BCR: variants seen among roughly 807,000 people sequenced by gnomAD.
BCR encodes BCR activator of RhoGEF and GTPase.
BCR carries 58 observed loss-of-function variants against 138.6 expected under a neutral mutation model. The observed-to-expected ratio is 0.42, with a 90% confidence interval of 0.34 to 0.52. The LOEUF (loss-of-function observed/expected upper bound fraction) is 0.52. Ranked by LOEUF, BCR falls within the 20% of genes least tolerant of loss-of-function variation. The pLI is 0.06. For missense variants in BCR, 1,599 were observed against 1,727.2 expected, an observed-to-expected ratio of 0.93 and a Z score of 1.32; for synonymous variants, 786 against 730.1, an observed-to-expected ratio of 1.08 and a Z score of -1.23.
rs1426357767 is a variant in BCR at position 23,308,473 on chromosome 22, T to C, written c.3013-951T>C. Among the ~76,000 whole-genome samples the C allele has an allele frequency of 3.9e-5, 6 of 151,990 alleles. 1 individual carries two copies. Among genetic ancestry groups the C allele is most frequent in the Admixed American group, 1.3e-4 (2 of 15,276 alleles). On this transcript the variant is annotated intron_variant, in intron 16 of 22. Coordinates refer to ENST00000305877, the MANE Select transcript of BCR (RefSeq NM_004327.4). ...GACGCCCACCACCACGCCCAGCTAA[T>C]TTGTTGTATTTTTAGTAGGGACAGG...
chr22:23,253,862 G>A lies in BCR; in HGVS notation c.1343G>A (p.Arg448Gln), dbSNP rs370367734. 1.8e-4 allele frequency: 283 copies of A among 1,613,186 alleles called. No individual in the cohort carries two copies. Among genetic ancestry groups the A allele is most frequent in the African/African-American group, 6.3e-4 (47 of 75,020 alleles). ...GCAGACCGGGCAGAGGAGCAGCGCC[G>A]GCACCAAGATGGGCTGCCCTACATT... is the stretch of plus-strand genomic sequence containing the variant. ...CAADRAEEQR[R>Q]HQDGLPYIDD... Residue 448 changes from arginine (R) to glutamine (Q), a missense_variant, in exon 2 of 23, where the codon CGG becomes CAG. Around this residue, in one of 4 missense-constraint regions of BCR, gnomAD observed 590 missense variants for 762.4 expected, o/e 0.77. Coordinates refer to ENST00000305877, the MANE Select transcript of BCR (RefSeq NM_004327.4).
intron 1 of BCR, among the ~76,000 whole-genome samples, chr22:23,237,931 T>G (rs1402817899): frequency 6.6e-6 from 1 of 152,216 alleles, no homozygotes; most frequent in Non-Finnish European, 1.5e-5. Context: ...AAGAGTGCGC[T>G]GCTAAATGTT....
chr22:23,233,029 C>G lies in BCR; in HGVS notation c.1280-20770C>G, dbSNP rs555718054. ...TAATAGCTTCAGCCTGGACTTGGGT[C>G]CAGAGCTTTGGATAGAAGCATCTTT... On this transcript the variant is annotated intron_variant, in intron 1 of 22. Coordinates refer to ENST00000305877, the MANE Select transcript of BCR (RefSeq NM_004327.4). Among the ~76,000 whole-genome samples, 3 of 152,336 alleles carry G rather than the reference C, an allele frequency of 2.0e-5. No homozygotes were observed. The South Asian group carries it at 6.2e-4, about 32-fold the overall frequency.
chr22:23,191,955 C>G (rs1443249240), intron 1 of BCR, among the ~76,000 whole-genome samples: 3 of 152,164 alleles, frequency 2.0e-5, no homozygotes, highest in Non-Finnish European at 2.9e-5. Flanking sequence ...CCCGAATCCT[C>G]AGACTGGGGC....
intron 4 of BCR, among the ~76,000 whole-genome samples, chr22:23,267,801 A>G (rs1428783847): frequency 6.6e-6 from 1 of 152,244 alleles, no homozygotes; most frequent in Non-Finnish European, 1.5e-5. Context: ...TTGGTTTAAT[A>G]AAGAACAAAC....
intron 4 of BCR, chr22:23,263,186 C>T (rs1027774936): frequency 1.1e-5 from 10 of 872,042 alleles, no homozygotes; most frequent in Middle Eastern, 3.3e-4. Context: ...GGGAGTCAGC[C>T]GCCTGCCCGG....
rs1305103067 is a variant in BCR, at chr22:23,241,256, T to G, written c.1280-12543T>G. Among the ~76,000 whole-genome samples, 4 of 152,320 alleles carry G rather than the reference T, an allele frequency of 2.6e-5. No homozygotes were observed. The East Asian group carries it at 7.7e-4, about 29-fold the overall frequency. On this transcript the variant is annotated intron_variant, in intron 1 of 22. Transcript: ENST00000305877. ...CCTGCCCTCCCAGGCTTGCTGGGTG[T>G]CTGCCCGTGGCTGGGCCCTGGCCCC... is the stretch of plus-strand genomic sequence containing the variant.
intron 10 of BCR, among the ~76,000 whole-genome samples, chr22:23,286,269 C>A (rs2073711326): frequency 6.6e-6 from 1 of 152,140 alleles, no homozygotes; most frequent in East Asian, 1.9e-4. Flanking sequence ...GAGGACAAGC[C>A]CCTCAATCAA....
At position 23,270,289 on chromosome 22, in the gene BCR, G is replaced by C. The variant is rs552877671; in HGVS notation, c.1861-1243G>C. Among the ~76,000 whole-genome samples, 7 of 152,270 alleles carry C rather than the reference G, an allele frequency of 4.6e-5. No homozygotes were observed. In the South Asian group the frequency reaches 1.5e-3, roughly 32 times the overall value. On this transcript the variant is annotated intron_variant, in intron 5 of 22. Transcript: ENST00000305877. Reference sequence around the variant, plus strand: ...TTAGATCTGGTTCCATGGAACACCAGCTCTCCAGACGGTAGGAATAGGAAT... The same window carrying C: ...TTAGATCTGGTTCCATGGAACACCACCTCTCCAGACGGTAGGAATAGGAAT...
intron 8 of BCR, among the ~76,000 whole-genome samples, chr22:23,278,947 C>T (rs2146294545): frequency 6.6e-6 from 1 of 152,284 alleles, no homozygotes; most frequent in South Asian, 2.1e-4. Context: ...CATTGGCAAA[C>T]AAAGCTTGGG....
Position 23,181,308 on chromosome 22 carries a change from G to C in BCR, c.348G>C (p.Arg116=). The change falls in exon 1 of 23, where the codon CGG becomes CGC. Residue 116 remains arginine, a synonymous_variant. Transcript: ENST00000305877. ...CGCCCGCCGAGGAGCCCGAGGCCCGGCCCGACGGCGAGGGTTCTCCGGGTA... is the reference window on the plus strand; with the variant it reads ...CGCCCGCCGAGGAGCCCGAGGCCCGCCCCGACGGCGAGGGTTCTCCGGGTA... ...DPPPAEEPEA[R]PDGEGSPGKA... 2.2e-6 allele frequency: 3 copies of C among 1,363,502 alleles called. No homozygotes were observed. The highest frequency in any genetic ancestry group is 2.8e-6 in the Non-Finnish European group (3 of 1,057,842). The allele number at this position is 1,363,502 out of a possible 1,614,324, so 84.5% of individuals were successfully genotyped here.
At chr22:23,261,592 A>G in intron 4 of BCR, 52 bp downstream of exon 4, 1 of 1,580,346 alleles carries the variant, frequency 6.3e-7, no homozygotes, top group Non-Finnish European at 8.6e-7. Flanking sequence ...CACCACGTCC[A>G]GCTAATTTTT....
chr22:23,194,391 ATTTTTTTTTTCT>A (rs371345410), intron 1 of BCR, among the ~76,000 whole-genome samples: 4,915 of 139,904 alleles, frequency 0.035, 116 homozygotes, highest in Non-Finnish European at 0.055. Flanking sequence ...GTGGGTCTCC[ATTTTTTTTTTCT>A]TTTTTTTTTT....
In BCR at chr22:23,194,711, C is replaced by T. The variant is rs1219383296; in HGVS notation, c.1279+12472C>T. Among the ~76,000 whole-genome samples, 7 of 152,174 alleles carry T rather than the reference C, an allele frequency of 4.6e-5. 1 individual carries two copies. The highest frequency in any genetic ancestry group is 2.1e-4 in the South Asian group (1 of 4,826). On this transcript the variant is annotated intron_variant, in intron 1 of 22. Coordinates refer to ENST00000305877, the MANE Select transcript of BCR (RefSeq NM_004327.4). ...ACAGGCATGAGCCACTGTGCCCGGC[C>T]GGGTGGATCTCTTATTCCCAGGAAT...
At position 23,295,063 on chromosome 22, in the gene BCR, A is replaced by T; in HGVS notation, c.2920A>T (p.Ile974Leu). Residue 974 changes from isoleucine to leucine, a missense_variant, in exon 16 of 23, where the codon ATA (isoleucine) becomes TTA (leucine). By Grantham distance (5) the Ile-to-Leu change is conservative. This residue lies in a region of BCR where 590 missense variants were observed against 762.4 expected (regional missense o/e 0.77). Coordinates refer to ENST00000305877, the MANE Select transcript of BCR (RefSeq NM_004327.4). ...GCTGGAGGGCTCCCAGACCCTGAGG[A>T]TACTGTGCTATGAAAAGTGTTACAA... ...IELEGSQTLR[I>L]LCYEKCYNKT... 6.2e-7 allele frequency: 1 copy of T among 1,614,156 alleles called. No homozygotes were observed. The highest frequency in any genetic ancestry group is 8.5e-7 in the Non-Finnish European group (1 of 1,180,014).
chr22:23,233,188 A>G (rs1022684211), intron 1 of BCR, among the ~76,000 whole-genome samples: 7 of 152,186 alleles, frequency 4.6e-5, no homozygotes, highest in African/African-American at 1.7e-4. Context: ...TGTGGGCCCC[A>G]GTGCCTGTAG....
At chr22:23,222,514 C>T (rs960597452) in intron 1 of BCR, among the ~76,000 whole-genome samples, 17 of 152,092 alleles carry the variant, frequency 1.1e-4, no homozygotes, top group Admixed American at 5.9e-4. Context: ...AAGTGGTTCC[C>T]GAGGAAGGAG....
chr22:23,314,752 C>A (rs1019152359), intron 22 of BCR, 38 bp downstream of exon 22: 1 of 1,610,988 alleles, frequency 6.2e-7, no homozygotes, highest in African/African-American at 1.3e-5. Context: ...CAACCCTGAC[C>A]TGACAGAGGT....
chr22:23,195,777 A>T (rs1001681203), intron 1 of BCR, among the ~76,000 whole-genome samples: 2 of 151,766 alleles, frequency 1.3e-5, no homozygotes, highest in East Asian at 3.9e-4. Context: ...AATCCCAGCT[A>T]CTCGGGAGGC....
Sources: allele counts gnomAD v4.1 joint callset (sites outside exome capture counted in the v4.1 genomes callset), GRCh38; gene constraint gnomAD v4.1.1; regional missense constraint gnomAD v4.1.1; transcripts MANE v1.5; gene names NCBI Gene and HGNC (gene_info 2026-07-23, HGNC 2026-07-21).